The following MYRF variants were observed in gnomAD, a reference collection of about 807,000 sequenced individuals.
The protein encoded by MYRF is myelin regulatory factor, also known as myelin gene regulatory factor.
In MYRF, 16 loss-of-function variants were observed where a neutral mutation model predicts 126.3. The observed-to-expected ratio is 0.13, with a 90% CI of 0.09 to 0.19. MYRF has a LOEUF of 0.19. MYRF is among the 10% of genes least tolerant of loss of function. The probability of loss-of-function intolerance (pLI) is 1.00; values close to 1 mark genes in which losing one functional copy is unlikely to be tolerated. For synonymous variants in MYRF, 608 were observed against 635.3 expected (o/e 0.96, Z 0.65); for missense variants, 1,104 against 1,547.0 (o/e 0.71, Z 4.80).
At chr11:61,761,896 G>A (rs1351947447) in intron 1 of MYRF, among the ~76,000 whole-genome samples, 1 of 152,244 alleles carries the variant, frequency 6.6e-6, no homozygotes, top group Non-Finnish European at 1.5e-5. Flanking sequence ...GCACAGAGTG[G>A]CCACTGGGCG....
chr11:61,759,529 G>A (rs1436437857), intron 1 of MYRF, among the ~76,000 whole-genome samples: 2 of 152,120 alleles, frequency 1.3e-5, no homozygotes, highest in African/African-American at 4.8e-5. Context: ...AATTAGCCAG[G>A]CGTGGTGGCA....
chr11:61,788,308 G>C lies in MYRF; in HGVS notation c.*2165G>C, dbSNP rs1289581155. 5 of 152,290 alleles carry C rather than the reference G, an allele frequency of 3.3e-5. No homozygotes were observed. Among genetic ancestry groups the C allele is most frequent in the Non-Finnish European group, 7.3e-5 (5 of 68,080 alleles). The allele number at this position is 152,290 out of a possible 1,614,324, so 9.4% of individuals were successfully genotyped here. On this transcript the variant is annotated 3_prime_UTR_variant, in exon 27 of 27. Transcript: ENST00000278836. ...CTGCCCATACCGTGCACCCTTAGAA[G>C]CCTGCGTGTGCATAGAGCGCCCCCT...
intron 7 of MYRF, 58 bp downstream of exon 7, chr11:61,772,010 G>A (rs1182280388): frequency 7.5e-6 from 12 of 1,598,402 alleles, no homozygotes; most frequent in Non-Finnish European, 1.0e-5. Flanking sequence ...GGACGCCCCA[G>A]CCCAGGACCC....
chr11:61,766,900 G>A (rs2058042210), intron 3 of MYRF: 2 of 405,490 alleles, frequency 4.9e-6, no homozygotes, highest in African/African-American at 2.1e-5. Context: ...CCTGTCTCTG[G>A]GTGGAAGAGC....
In MYRF at chr11:61,776,290, T is replaced by C; in HGVS notation, c.1389-32T>C. On this transcript the variant is annotated intron_variant, in intron 9 of 26. Transcript: ENST00000278836. The surrounding 1 kb of genome is among the most constrained non-coding windows in gnomAD (Gnocchi z 4.3). Reference sequence around the variant, plus strand: ...GCGTGGCTCTTGCAGCCTCCCTCCCTGCCCCCTGAGCACCCTGCCTCTCCT... The same window carrying C: ...GCGTGGCTCTTGCAGCCTCCCTCCCCGCCCCCTGAGCACCCTGCCTCTCCT... 1 of 1,594,828 alleles carries C rather than the reference T, an allele frequency of 6.3e-7. No homozygotes were observed. Among genetic ancestry groups the C allele is most frequent in the Non-Finnish European group, 8.6e-7 (1 of 1,167,702 alleles).
chr11:61,762,509 G>T (rs1380796692), intron 1 of MYRF, among the ~76,000 whole-genome samples: 1 of 152,156 alleles, frequency 6.6e-6, no homozygotes, highest in Non-Finnish European at 1.5e-5. Flanking sequence ...ACCCCTGCTT[G>T]GGCTCCAGTG....
At chr11:61,761,063 T>C (rs945526566) in intron 1 of MYRF, among the ~76,000 whole-genome samples, 1 of 152,010 alleles carries the variant, frequency 6.6e-6, no homozygotes, top group Non-Finnish European at 1.5e-5. Context: ...GCCAGCATCC[T>C]CGGGCCCCGG....
In MYRF at chr11:61,752,663, C is replaced by T; in HGVS notation, c.-82C>T. The T allele has an allele frequency of 8.9e-7, 1 of 1,122,238 alleles. No homozygotes were observed. Among genetic ancestry groups the T allele is most frequent in the Non-Finnish European group, 1.1e-6 (1 of 890,844 alleles). 69.5% of individuals were successfully genotyped at this position (1,122,238 alleles called of 1,614,324 possible). A position where few individuals can be genotyped will look rare whatever the true frequency, so the allele number is the denominator to read the frequency against. ...AGCCGGAGCCCAGCCGGGACTGTCG[C>T]GCGGGCCGCGCCGGCGATGCCGCGC... On this transcript the variant is annotated 5_prime_UTR_variant, in exon 1 of 27. Coordinates refer to ENST00000278836, the MANE Select transcript of MYRF (RefSeq NM_001127392.3).
intron 22 of MYRF, 97 bp downstream of exon 22, chr11:61,781,921 C>T (rs1306600862): frequency 9.4e-6 from 13 of 1,388,122 alleles, no homozygotes; most frequent in South Asian, 1.5e-5. Context: ...TGGGTTCAGA[C>T]TTGTCAGTCA....
chr11:61,771,447 G>T, intron 5 of MYRF, 53 bp from the exon 6 acceptor site: 1 of 1,577,656 alleles, frequency 6.3e-7, no homozygotes, highest in Non-Finnish European at 8.6e-7. Context: ...ACTACCCAGT[G>T]GGAGGGGCTC....
intron 24 of MYRF, 151 bp from the exon 25 acceptor site, chr11:61,784,129 C>T (rs192443715): frequency 1.0e-3 from 995 of 963,518 alleles, no homozygotes; most frequent in Non-Finnish European, 1.4e-3. Context: ...ATGGGATGGT[C>T]GATGGGAAAG....
intron 17 of MYRF, 102 bp downstream of exon 17, chr11:61,780,032 T>C (rs144189389): frequency 2.4e-6 from 3 of 1,266,592 alleles, no homozygotes; most frequent in Non-Finnish European, 2.3e-6. Context: ...GAGGAGGATG[T>C]AGCTTGGGAG....
rs1466471063 is a variant in MYRF, at chr11:61,786,193, C to T, written c.*50C>T. On this transcript the variant is annotated 3_prime_UTR_variant, in exon 27 of 27. Transcript: ENST00000278836. This position sits in a 1 kb window ranked among gnomAD's most constrained non-coding sequence, Gnocchi z 4.5. ...ACCAGGGACCAGGGGTGCCCAGGCACCCCCCAACACTGGATGCAATGGTGT... is the reference window on the plus strand; with the variant it reads ...ACCAGGGACCAGGGGTGCCCAGGCATCCCCCAACACTGGATGCAATGGTGT... 2.6e-6 allele frequency: 4 copies of T among 1,541,782 alleles called. No individual in the cohort carries two copies. Among genetic ancestry groups the T allele is most frequent in the South Asian group, 2.2e-5 (2 of 89,312 alleles).
At chr11:61,760,308 G>A (rs1172595408) in intron 1 of MYRF, among the ~76,000 whole-genome samples, 1 of 152,154 alleles carries the variant, frequency 6.6e-6, no homozygotes, top group Admixed American at 6.5e-5. Context: ...AACCAAAGGA[G>A]GTGAGGCCAC....
In MYRF at chr11:61,781,610, C is replaced by T. The variant is rs2066550268; in HGVS notation, c.2802C>T (p.Ile934=). 1.2e-6 allele frequency: 2 copies of T among 1,613,826 alleles called. No individual in the cohort carries two copies. The highest frequency in any genetic ancestry group is 1.7e-6 in the Non-Finnish European group (2 of 1,180,020). ...SQMALLPVTN[I]RAKSWGLSVN... ...TGGCCCTTCTGCCAGTCACCAACATCAGAGCCAAGTCCTGGGGTCTTTCAG... is the reference window on the plus strand; with the variant it reads ...TGGCCCTTCTGCCAGTCACCAACATTAGAGCCAAGTCCTGGGGTCTTTCAG... The change falls in exon 22 of 27, where the codon ATC becomes ATT. Residue 934 remains isoleucine (I), a synonymous_variant. Transcript: ENST00000278836.
At chr11:61,760,062 G>A (rs1191461074) in intron 1 of MYRF, among the ~76,000 whole-genome samples, 1 of 151,802 alleles carries the variant, frequency 6.6e-6, no homozygotes, top group Non-Finnish European at 1.5e-5. Context: ...TCCGCCTCCC[G>A]GTTTCAAGTG....
rs770993588 is a variant in MYRF, at chr11:61,771,609, G to C, written c.850G>C (p.Ala284Pro). 4.4e-5 allele frequency: 71 copies of C among 1,613,796 alleles called. No homozygotes were observed. Among genetic ancestry groups the C allele is most frequent in the Non-Finnish European group, 5.3e-5 (62 of 1,179,996 alleles). The change falls in exon 6 of 27, where the codon GCC (alanine) becomes CCC (proline). Residue 284 changes from alanine to proline, a missense_variant. Coordinates refer to ENST00000278836, the MANE Select transcript of MYRF (RefSeq NM_001127392.3). ...MIKQEPGTVTALPLHPTRAPS... is the reference protein window; with the variant it reads ...MIKQEPGTVTPLPLHPTRAPS... Reference sequence around the variant, plus strand: ...CAAACAGGAGCCTGGGACCGTGACAGCCCTGCCTCTGCACCCCACTCGAGC... The same window carrying C: ...CAAACAGGAGCCTGGGACCGTGACACCCCTGCCTCTGCACCCCACTCGAGC...
intron 1 of MYRF, among the ~76,000 whole-genome samples, chr11:61,760,712 G>C (rs1375877583): frequency 1.3e-5 from 2 of 152,176 alleles, no homozygotes; most frequent in African/African-American, 2.4e-5. Flanking sequence ...CCTCCTGGGG[G>C]TCACCTCGTT....
rs60445956 is a variant in MYRF, at chr11:61,763,871, A to C, written c.47-1754A>C. On this transcript the variant is annotated intron_variant, in intron 1 of 26. Transcript: ENST00000278836. ...CCGAGCAAGACTCAGTCTCAAAAAA[A>C]AAAGAAATAAAGTAAAGAAACTCCT... 6.7e-3 allele frequency among the ~76,000 whole-genome samples: 1,017 copies of C among 152,314 alleles called. 14 individuals are homozygous for C. The highest frequency in any genetic ancestry group is 0.023 in the African/African-American group (968 of 41,572).
Sources: gnomAD v4.1 joint callset for allele counts (sites outside exome capture counted in the v4.1 genomes callset) on GRCh38, gnomAD v4.1.1 for gene constraint, Gnocchi (gnomAD v3.1) non-coding constraint, MANE v1.5 for transcripts, NCBI Gene and HGNC (gene_info 2026-07-23, HGNC 2026-07-21) for gene names.